The following RNASEH1 variants were observed in gnomAD, a reference collection of about 807,000 sequenced individuals.
RNASEH1 encodes ribonuclease H1, also known as ribonuclease H type II.
Under a neutral mutation model 34.6 loss-of-function variants are expected in RNASEH1, and 27 were observed. The ratio of observed to expected loss-of-function variants is 0.78; its 90% CI spans 0.58 to 1.08. The LOEUF is 1.08. Ranked by LOEUF, RNASEH1 falls within the 50% of genes least tolerant of loss-of-function variation. The pLI is 0.00. For missense variants in RNASEH1, 349 were observed against 373.6 expected (o/e 0.93, Z 0.54); for synonymous variants, 162 against 138.4 (o/e 1.17, Z -1.20).
intron 7 of RNASEH1, among the ~76,000 whole-genome samples, chr2:3,546,447 A>G (rs1306104260): frequency 6.6e-6 from 1 of 152,228 alleles, no homozygotes; most frequent in Non-Finnish European, 1.5e-5. Flanking sequence ...TCTTGGAATA[A>G]AAGTTCTATT....
intron 6 of RNASEH1, 98 bp from the exon 7 acceptor site, chr2:3,548,153 G>C: frequency 7.0e-7 from 1 of 1,431,048 alleles, no homozygotes; most frequent in Non-Finnish European, 9.7e-7. Context: ...CTTGTATTCT[G>C]AGTCACCATC....
In RNASEH1 at chr2:3,547,964, C is replaced by T. The variant is rs1416061736; in HGVS notation, c.741G>A (p.Leu247=). ...EVINKEDFVA[L]ERLTQGMDIQ... ...TGTCCATCCCCTGGGTAAGCCTCTC[C>T]AGTGCCACAAAGTCCTCTTTGTTGA... The change falls in exon 7 of 8, where the codon CTG becomes CTA. Residue 247 remains leucine (L), a synonymous_variant. Coordinates refer to ENST00000315212, the MANE Select transcript of RNASEH1 (RefSeq NM_002936.6). 6.2e-7 allele frequency: 1 copy of T among 1,614,012 alleles called. No individual in the cohort carries two copies. The highest frequency in any genetic ancestry group is 1.7e-5 in the Admixed American group (1 of 60,018).
rs140187158 is a variant in RNASEH1, at chr2:3,547,985, G to A, written c.720C>T (p.Asn240=). Residue 240 remains asparagine (N), a synonymous_variant, in exon 7 of 8, where the codon AAC becomes AAT. Transcript: ENST00000315212. ...WKTSAGKEVI[N]KEDFVALERL... ...TCTCCAGTGCCACAAAGTCCTCTTTGTTGATCACCTCTTTCCCTGCACTTG... is the reference window on the plus strand; with the variant it reads ...TCTCCAGTGCCACAAAGTCCTCTTTATTGATCACCTCTTTCCCTGCACTTG... 1,150 of 1,613,714 alleles carry A rather than the reference G, an allele frequency of 7.1e-4. No homozygotes were observed. The highest frequency in any genetic ancestry group is 9.3e-4 in the Non-Finnish European group (1,094 of 1,179,678).
chr2:3,552,208 T>C lies in RNASEH1; in HGVS notation c.345A>G (p.Ala115=). ...GDGHESAEPY[A]KHMKPSVEPA... is the part of the protein sequence containing the mutation. ...GCTCCACGCTCGGCTTCATGTGCTT[T>C]GCATACGGCTCTGCGCTTTCATGTC... The change falls in exon 3 of 8, where the codon GCA becomes GCG. Residue 115 remains alanine (A), a synonymous_variant. Coordinates refer to ENST00000315212, the MANE Select transcript of RNASEH1 (RefSeq NM_002936.6). 6.8e-6 allele frequency: 11 copies of C among 1,613,228 alleles called. No individual in the cohort carries two copies. The highest frequency in any genetic ancestry group is 1.8e-4 in the Middle Eastern group (1 of 5,418).
chr2:3,539,251 CTG>C (rs1462460623), downstream of RNASEH1, among the ~76,000 whole-genome samples: 12 of 152,126 alleles, frequency 7.9e-5, no homozygotes, highest in Non-Finnish European at 1.6e-4. Flanking sequence ...ATACACGAAT[CTG>C]TGCATATTTA....
chr2:3,548,639 C>A lies in RNASEH1; in HGVS notation c.649+1G>T. ...AGAAGAAATCAAATGTGAAAGCTTA[C>A]CATTTATCGTAAACATACTGTCTGT... On this transcript the variant is annotated splice_donor_variant, in intron 6 of 7. Transcript: ENST00000315212. LOFTEE classifies it high-confidence loss of function. 1.3e-6 allele frequency: 2 copies of A among 1,565,278 alleles called. No individual in the cohort carries two copies. Among genetic ancestry groups the A allele is most frequent in the Non-Finnish European group, 1.8e-6 (2 of 1,138,592 alleles).
intron 2 of RNASEH1, among the ~76,000 whole-genome samples, chr2:3,553,202 C>G (rs1287653305): frequency 6.6e-6 from 1 of 151,238 alleles, no homozygotes; most frequent in African/African-American, 2.4e-5. Context: ...GAGCGGAGAT[C>G]GCGCCACTGC....
chr2:3,553,204 C>T (rs557909031), intron 2 of RNASEH1, among the ~76,000 whole-genome samples: 14 of 151,264 alleles, frequency 9.3e-5, no homozygotes, highest in East Asian at 4.0e-4. Context: ...GCGGAGATCG[C>T]GCCACTGCAC....
Position 3,548,070 on chromosome 2 carries a change from G to A in RNASEH1, c.650-15C>T, listed in dbSNP as rs370328247. The A allele has an allele frequency of 9.9e-5, 159 of 1,613,504 alleles. No individual in the cohort carries two copies. The African/African-American group carries it at 1.5e-3, about 15-fold the overall frequency. On this transcript the variant is annotated splice_polypyrimidine_tract_variant and intron_variant, in intron 6 of 7. Transcript: ENST00000315212. ...GTTAGTTATACCTACAAAAATGCAC[G>A]ATCACTGGTGAGTCAATCTTGAGTG...
At chr2:3,546,704 G>T (rs1422145161) in intron 7 of RNASEH1, among the ~76,000 whole-genome samples, 2 of 152,196 alleles carry the variant, frequency 1.3e-5, no homozygotes, top group Non-Finnish European at 2.9e-5. Flanking sequence ...TGTATTACTT[G>T]TGGTTGCAGC....
In RNASEH1 at chr2:3,558,297, G is replaced by T. The variant is rs764652306; in HGVS notation, c.-37C>A. On this transcript the variant is annotated 5_prime_UTR_variant, in exon 1 of 8. Coordinates refer to ENST00000315212, the MANE Select transcript of RNASEH1 (RefSeq NM_002936.6). ...GGCACCGGGAAGCATTTCGACTCCC[G>T]GCCCAGCGTGGGCGCGAGCCGCCGG... is the stretch of plus-strand genomic sequence containing the variant. The T allele has an allele frequency of 1.3e-5, 20 of 1,499,426 alleles. No homozygotes were observed. The East Asian group carries it at 2.6e-4, about 19-fold the overall frequency. The allele number at this position is 1,499,426 out of a possible 1,614,324, so 92.9% of individuals were successfully genotyped here. A position where few individuals can be genotyped will look rare whatever the true frequency, so the allele number is the denominator to read the frequency against.
At chr2:3,557,179 C>G (rs1660597654) in intron 1 of RNASEH1, among the ~76,000 whole-genome samples, 1 of 152,142 alleles carries the variant, frequency 6.6e-6, no homozygotes, top group African/African-American at 2.4e-5. Flanking sequence ...GTTGTATTGT[C>G]TTTTTATGCG....
chr2:3,545,827 A>C lies in RNASEH1; in HGVS notation c.819T>G (p.Ala273=). The C allele has an allele frequency of 1.9e-6, 3 of 1,613,916 alleles. No homozygotes were observed. Among genetic ancestry groups the C allele is most frequent in the Middle Eastern group, 1.7e-4 (1 of 6,060 alleles). ...GHSGFIGNEE[A]DRLAREGAKQ... ...TAGCTCCTTCTCTGGCTAATCTGTC[A>C]GCTTCTTCATTGCCTATAAATCCCG... is the stretch of plus-strand genomic sequence containing the variant. Residue 273 remains alanine, a synonymous_variant, in exon 8 of 8, where the codon GCT becomes GCG. Transcript: ENST00000315212.
the RNASEH1 span, among the ~76,000 whole-genome samples, chr2:3,532,653 G>A: frequency 2.6e-5 from 4 of 152,202 alleles, no homozygotes; most frequent in Non-Finnish European, 4.4e-5. Flanking sequence ...CTAAGCATAG[G>A]AAAGTTACAG....
chr2:3,537,984 T>G (rs1668073895), downstream of RNASEH1, among the ~76,000 whole-genome samples: 1 of 150,846 alleles, frequency 6.6e-6, no homozygotes, highest in Non-Finnish European at 1.5e-5. Context: ...TTGCGGTCAG[T>G]TGAGATCGCA....
chr2:3,556,308 GTTT>G (rs1183563934), intron 2 of RNASEH1, among the ~76,000 whole-genome samples: 2 of 138,336 alleles, frequency 1.4e-5, no homozygotes, highest in Non-Finnish European at 3.1e-5. Flanking sequence ...AACTATGTAA[GTTT>G]TTTTTTTTTT....
At chr2:3,551,628 G>A (rs767978809) in intron 3 of RNASEH1, among the ~76,000 whole-genome samples, 6 of 152,090 alleles carry the variant, frequency 3.9e-5, no homozygotes, top group Non-Finnish European at 8.8e-5. Flanking sequence ...TCTACTTTCT[G>A]CTCATATGTG....
chr2:3,549,238 AAACT>A (rs2103335268), intron 4 of RNASEH1, 126 bp from the exon 5 acceptor site: 1 of 816,746 alleles, frequency 1.2e-6, no homozygotes, highest in Middle Eastern at 2.7e-4. Context: ...TATAAAAATC[AAACT>A]AACAGACTCC....
At chr2:3,556,339 CCT>C (rs1660495863) in intron 2 of RNASEH1, among the ~76,000 whole-genome samples, 1 of 148,524 alleles carries the variant, frequency 6.7e-6, no homozygotes, top group Non-Finnish European at 1.5e-5. Flanking sequence ...CGAGTCTTGC[CCT>C]GTCACCCAGG....
Sources: gnomAD v4.1 joint callset for allele counts (sites outside exome capture counted in the v4.1 genomes callset) on GRCh38, gnomAD v4.1.1 for gene constraint, MANE v1.5 for transcripts, NCBI Gene and HGNC (gene_info 2026-07-23, HGNC 2026-07-21) for gene names.